NWD2: variants seen among roughly 807,000 people sequenced by gnomAD.
NWD2 encodes NACHT and WD repeat domain containing 2, also known as NACHT and WD repeat domain-containing protein 2.
NWD2 carries 37 observed loss-of-function variants against 132.7 expected under a neutral mutation model. The ratio of observed to expected loss-of-function variants is 0.28; its 90% CI spans 0.21 to 0.37. The LOEUF is 0.37. Among genes scored for constraint, NWD2 ranks in the 10% least tolerant of loss-of-function variants. The pLI, the probability that NWD2 is intolerant of heterozygous loss-of-function variation, is 1.00. For synonymous variants in NWD2, 705 were observed against 803.0 expected (o/e 0.88, Z 2.06); for missense variants, 1,592 against 2,122.4 (o/e 0.75, Z 4.91).
intron 3 of NWD2, among the ~76,000 whole-genome samples, chr4:37,403,242 T>C (rs1720931895): frequency 6.6e-6 from 1 of 152,208 alleles, no homozygotes; most frequent in African/African-American, 2.4e-5. Context: ...TGGTAGTTTA[T>C]AGTGGAAAAG....
At chr4:37,352,213 G>C (rs965591937) in intron 2 of NWD2, among the ~76,000 whole-genome samples, 5 of 152,142 alleles carry the variant, frequency 3.3e-5, no homozygotes, top group Admixed American at 3.3e-4. Flanking sequence ...CCAGAGCTGA[G>C]TTCAAGTCCT....
chr4:37,284,129 C>T (rs1211346633), intron 1 of NWD2, among the ~76,000 whole-genome samples: 1 of 152,106 alleles, frequency 6.6e-6, no homozygotes, highest in Non-Finnish European at 1.5e-5. Flanking sequence ...TTGTATTTCT[C>T]ACAGTTGCCG....
intron 3 of NWD2, among the ~76,000 whole-genome samples, chr4:37,394,295 A>C (rs919512451): frequency 6.6e-6 from 1 of 152,240 alleles, no homozygotes; most frequent in African/African-American, 2.4e-5. Context: ...ATTAGTCTAG[A>C]AGTCTCCATA....
chr4:37,312,446 A>G (rs1306456350), intron 1 of NWD2, among the ~76,000 whole-genome samples: 1 of 150,994 alleles, frequency 6.6e-6, no homozygotes, highest in African/African-American at 2.5e-5. Context: ...TTATTGGTGT[A>G]TAGGAATGCT....
chr4:37,283,402 A>T (rs942647880), intron 1 of NWD2, among the ~76,000 whole-genome samples: 7 of 152,168 alleles, frequency 4.6e-5, no homozygotes, highest in African/African-American at 1.7e-4. Context: ...GTATGTCTGT[A>T]TATGTTACCT....
chr4:37,366,552 T>G (rs6850878), intron 3 of NWD2, among the ~76,000 whole-genome samples: 1 of 151,926 alleles, frequency 6.6e-6, no homozygotes, highest in Admixed American at 6.6e-5. Flanking sequence ...CTGTAAATAA[T>G]CTAAATCTTC....
At chr4:37,387,751 T>A (rs1349151471) in intron 3 of NWD2, among the ~76,000 whole-genome samples, 1 of 145,300 alleles carries the variant, frequency 6.9e-6, no homozygotes, top group African/African-American at 2.6e-5. Flanking sequence ...CTTGGCTCAC[T>A]GCAACCTCTG....
rs1397085001 is a variant in NWD2 at position 37,439,840 on chromosome 4, G to C, written c.1296+450G>C. On this transcript the variant is annotated intron_variant, in intron 6 of 6. Coordinates refer to ENST00000309447, the MANE Select transcript of NWD2 (RefSeq NM_001144990.2). This position sits in a 1 kb window ranked among gnomAD's most constrained non-coding sequence, Gnocchi z 4.5. ...CCCATCTGGGGCCTCTCATAAACAA[G>C]GCACCTACAGTGGGAAATGGGGATC... is the stretch of plus-strand genomic sequence containing the variant. Among the ~76,000 whole-genome samples the C allele has an allele frequency of 1.3e-5, 2 of 152,172 alleles. No individual in the cohort carries two copies. The highest frequency in any genetic ancestry group is 2.9e-5 in the Non-Finnish European group (2 of 68,030).
intron 3 of NWD2, among the ~76,000 whole-genome samples, chr4:37,393,203 A>G (rs79865680): frequency 0.074 from 5,538 of 74,530 alleles, 116 homozygotes; most frequent in Middle Eastern, 0.13. Flanking sequence ...GGTTGGGGGG[A>G]GACTCTGACC....
chr4:37,435,985 G>A (rs1712311480), intron 5 of NWD2, among the ~76,000 whole-genome samples: 1 of 152,108 alleles, frequency 6.6e-6, no homozygotes, highest in Non-Finnish European at 1.5e-5. Context: ...ACCTGTTAAA[G>A]GTGTATTGTT....
At chr4:37,329,997 A>G (rs531313121) in intron 2 of NWD2, among the ~76,000 whole-genome samples, 1 of 152,354 alleles carries the variant, frequency 6.6e-6, no homozygotes, top group Admixed American at 6.5e-5. Context: ...GCACATAGTA[A>G]TCCATTTAGT....
intron 3 of NWD2, among the ~76,000 whole-genome samples, chr4:37,358,985 G>C (rs765078125): frequency 6.6e-6 from 1 of 152,166 alleles, no homozygotes; most frequent in Admixed American, 6.5e-5. Flanking sequence ...CCCACTATGG[G>C]AGTGTCCTGG....
intron 1 of NWD2, among the ~76,000 whole-genome samples, chr4:37,290,596 T>C (rs774327859): frequency 2.0e-5 from 3 of 152,176 alleles, no homozygotes; most frequent in Non-Finnish European, 2.9e-5. Context: ...GGAGCACGCA[T>C]TGGTTAAAGG....
chr4:37,289,470 T>C (rs1029838680), intron 1 of NWD2, among the ~76,000 whole-genome samples: 7 of 152,208 alleles, frequency 4.6e-5, no homozygotes, highest in African/African-American at 1.4e-4. Context: ...CCCCCAAGAT[T>C]CTACAATTAA....
intron 5 of NWD2, 68 bp from the exon 6 acceptor site, chr4:37,438,733 C>A: frequency 9.8e-7 from 1 of 1,015,812 alleles, no homozygotes; most frequent in Non-Finnish European, 1.4e-6. Flanking sequence ...TAAGTGTTGA[C>A]TATTGAGAAT....
chr4:37,406,081 C>T (rs982075514), intron 3 of NWD2, among the ~76,000 whole-genome samples: 36 of 152,142 alleles, frequency 2.4e-4, no homozygotes, highest in African/African-American at 8.4e-4. Flanking sequence ...CAAGAAGTCA[C>T]GTTAAGTCAT....
At chr4:37,279,374 T>TTAC (rs1259564064) in intron 1 of NWD2, among the ~76,000 whole-genome samples, 6 of 152,148 alleles carry the variant, frequency 3.9e-5, no homozygotes, top group African/African-American at 7.2e-5. Flanking sequence ...ACATAGTAAT[T>TTAC]TACTGTTCAT....
intron 2 of NWD2, among the ~76,000 whole-genome samples, chr4:37,342,185 C>T (rs1295899646): frequency 1.3e-5 from 2 of 152,072 alleles, no homozygotes; most frequent in African/African-American, 4.8e-5. Context: ...GCATTGATGC[C>T]CTCCCCATGG....
chr4:37,347,138 G>T (rs1577675286), intron 2 of NWD2, among the ~76,000 whole-genome samples: 1 of 151,814 alleles, frequency 6.6e-6, no homozygotes, highest in South Asian at 2.1e-4. Flanking sequence ...TTTTTTGTAT[G>T]ATTGATTTAT....
Sources: gnomAD v4.1 joint callset for allele counts (sites outside exome capture counted in the v4.1 genomes callset) on GRCh38, gnomAD v4.1.1 for gene constraint, Gnocchi (gnomAD v3.1) non-coding constraint, MANE v1.5 for transcripts, NCBI Gene and HGNC (gene_info 2026-07-23, HGNC 2026-07-21) for gene names.